Variants in TUBB8B observed in about 807,000 individuals in gnomAD.
The protein encoded by TUBB8B is HSA18p11 beta-tubulin 4Q pseudogene.
Under a neutral mutation model 31.9 loss-of-function variants are expected in TUBB8B, and 26 were observed. The ratio of observed to expected loss-of-function variants is 0.81; its 90% CI spans 0.60 to 1.13. TUBB8B has a LOEUF of 1.13. Ranked by LOEUF, TUBB8B falls within the 50% of genes most tolerant of loss-of-function variation. The probability of loss-of-function intolerance (pLI) is 0.00; values close to 1 mark genes in which losing one functional copy is unlikely to be tolerated. For synonymous variants in TUBB8B, 173 were observed against 231.0 expected (o/e 0.75, Z 2.28); for missense variants, 467 against 586.7 (o/e 0.80, Z 2.11).
At chr18:65,783 G>A in the TUBB8B span, among the ~76,000 whole-genome samples, 1 of 152,176 alleles carries the variant, frequency 6.6e-6, no homozygotes, top group South Asian at 2.1e-4. Flanking sequence ...GATCACAGGA[G>A]CTATCTTATG....
rs772872811 is a variant in TUBB8B, at chr18:48,909, A to T, written c.277+31T>A. The stretch of plus-strand genomic sequence containing the variant: ...GGATTTTGAGCTGCCCTGGCTAAGG[A>T]GCCGCACCCCAGTCCTCGCCCGCAG... On this transcript the variant is annotated intron_variant, in intron 3 of 3. Coordinates refer to ENST00000308911, the MANE Select transcript of TUBB8B (RefSeq NM_001358689.2). 3 of 1,441,090 alleles carry T rather than the reference A, an allele frequency of 2.1e-6. No individual in the cohort carries two copies. The South Asian group carries it at 3.4e-5, about 16-fold the overall frequency. The allele number at this position is 1,441,090 out of a possible 1,614,324, so 89.3% of individuals were successfully genotyped here.
At chr18:70,687 C>T in the TUBB8B span, among the ~76,000 whole-genome samples, 2 of 152,146 alleles carry the variant, frequency 1.3e-5, no homozygotes, top group South Asian at 4.1e-4. Flanking sequence ...CAGTAGTTCA[C>T]ACCTGTAATC....
At chr18:49,080 G>A (rs1315827760) in intron 2 of TUBB8B, 30 bp from the exon 3 acceptor site, 8 of 1,533,972 alleles carry the variant, frequency 5.2e-6, no homozygotes, top group African/African-American at 1.4e-5. Context: ...ATGAGCGAGG[G>A]GAGGGCCGCG....
At chr18:57,347 T>G in the TUBB8B span, among the ~76,000 whole-genome samples, 1 of 151,588 alleles carries the variant, frequency 6.6e-6, no homozygotes, top group African/African-American at 2.4e-5. Context: ...GGGTAAATAC[T>G]CCTATTCTAA....
the TUBB8B span, among the ~76,000 whole-genome samples, chr18:63,951 T>C: frequency 2.6e-4 from 37 of 142,766 alleles, no homozygotes; most frequent in African/African-American, 9.4e-4. Context: ...ACCCTTACCC[T>C]AACCCTAACC....
At chr18:48,745 C>T (rs1192678822) in intron 3 of TUBB8B, 195 bp downstream of exon 3, 4 of 704,030 alleles carry the variant, frequency 5.7e-6, no homozygotes, top group East Asian at 2.7e-5. Flanking sequence ...ACATCAGTAG[C>T]TCCTCACCTT....
the TUBB8B span, among the ~76,000 whole-genome samples, chr18:71,489 G>A: frequency 2.7e-5 from 4 of 149,314 alleles, 1 homozygote; most frequent in Admixed American, 6.8e-5. Context: ...AGAGGTTGCA[G>A]CGAGCGAAGA....
the TUBB8B span, among the ~76,000 whole-genome samples, chr18:68,036 A>G: frequency 1.3e-5 from 2 of 152,212 alleles, no homozygotes; most frequent in African/African-American, 4.8e-5. Context: ...CGCAATACTG[A>G]TACAGCATCC....
chr18:66,443 T>A, the TUBB8B span, among the ~76,000 whole-genome samples: 1 of 152,006 alleles, frequency 6.6e-6, no homozygotes, highest in Non-Finnish European at 1.5e-5. Context: ...TCCCAGCTAC[T>A]TGGAGGCTGA....
At chr18:65,660 T>A in the TUBB8B span, among the ~76,000 whole-genome samples, 2 of 152,104 alleles carry the variant, frequency 1.3e-5, no homozygotes, top group Non-Finnish European at 2.9e-5. Flanking sequence ...CAATGCTCAT[T>A]TTCATCATTG....
chr18:56,095 GT>G, the TUBB8B span, among the ~76,000 whole-genome samples: 1 of 151,664 alleles, frequency 6.6e-6, no homozygotes, highest in African/African-American at 2.4e-5. Context: ...AAACTGTCTT[GT>G]TTTTTGTTGT....
chr18:67,004 T>TG, the TUBB8B span, among the ~76,000 whole-genome samples: 6 of 151,388 alleles, frequency 4.0e-5, no homozygotes, highest in African/African-American at 7.3e-5. Context: ...TTGTTTTTTT[T>TG]TTTTTTCCAG....
Position 48,984 on chromosome 18 carries a change from G to T in TUBB8B, c.233C>A (p.Ser78Ter), listed in dbSNP as rs532998254. 156 of 1,609,242 alleles carry T rather than the reference G, an allele frequency of 9.7e-5. 3 individuals carry two copies. The highest frequency in any genetic ancestry group is 1.3e-4 in the Non-Finnish European group (150 of 1,177,892). Residue 78 changes from serine (S) to a stop codon, truncating the protein, a stop_gained, in exon 3 of 4, where the codon TCG (serine) becomes TAG (stop). Coordinates refer to ENST00000308911, the MANE Select transcript of TUBB8B (RefSeq NM_001358689.2). LOFTEE classifies it high-confidence loss of function. ...LEPGTMDSVH[S>*]GPFGQVFRPD... ...CCTGAAGACCTGCCCGAAGGGCCCC[G>T]AGTGCACAGAGTCCATGGTGCCCGG... is the stretch of plus-strand genomic sequence containing the variant.
chr18:63,556 T>A, the TUBB8B span, among the ~76,000 whole-genome samples: 3 of 151,414 alleles, frequency 2.0e-5, no homozygotes, highest in Non-Finnish European at 4.4e-5. Flanking sequence ...GCATAGAACT[T>A]GGTCTCACCC....
chr18:68,927 C>G, the TUBB8B span, among the ~76,000 whole-genome samples: 20,051 of 151,942 alleles, frequency 0.13, 1,068 homozygotes, highest in South Asian at 0.19. Context: ...CCAATGTCCA[C>G]CCTTAGCAAA....
chr18:52,907 A>C (rs1303091231), upstream of TUBB8B, among the ~76,000 whole-genome samples: 1 of 151,812 alleles, frequency 6.6e-6, no homozygotes, highest in Admixed American at 6.6e-5. Flanking sequence ...TTAAACTTGG[A>C]AGGTGCAGAT....
chr18:64,375 A>T, the TUBB8B span, among the ~76,000 whole-genome samples: 1 of 152,220 alleles, frequency 6.6e-6, no homozygotes, highest in Non-Finnish European at 1.5e-5. Flanking sequence ...AAAGTTGCTT[A>T]CACTGACTAA....
the TUBB8B span, among the ~76,000 whole-genome samples, chr18:70,517 TCC>T: frequency 6.6e-6 from 1 of 152,062 alleles, no homozygotes. Flanking sequence ...ACACTTGTAG[TCC>T]CAGCTACTTC....
chr18:55,642 C>T, the TUBB8B span, among the ~76,000 whole-genome samples: 2 of 151,702 alleles, frequency 1.3e-5, no homozygotes, highest in African/African-American at 4.8e-5. Context: ...ATCCAATCAC[C>T]TTCTACCAAG....
Sources: gnomAD v4.1 joint callset for allele counts (sites outside exome capture counted in the v4.1 genomes callset) on GRCh38, gnomAD v4.1.1 for gene constraint, MANE v1.5 for transcripts, NCBI Gene and HGNC (gene_info 2026-07-23, HGNC 2026-07-21) for gene names.